The following SULF2 variants were observed in gnomAD, a reference collection of about 807,000 sequenced individuals.
The protein encoded by SULF2 is extracellular sulfatase Sulf-2.
Under a neutral mutation model 107.7 loss-of-function variants are expected in SULF2, and 52 were observed. The observed-to-expected ratio is 0.48, with a 90% CI of 0.39 to 0.61. SULF2 has a LOEUF of 0.61. Ranked by LOEUF, SULF2 falls within the 20% of genes least tolerant of loss-of-function variation. The pLI is 0.00. For missense variants in SULF2, 993 were observed against 1,177.3 expected (o/e 0.84, Z 2.29); for synonymous variants, 460 against 464.3 (o/e 0.99, Z 0.12).
At chr20:47,731,182 C>CTTTTTTTTTTTTTTTTTTTTTTTTTT (rs1342480404) in intron 3 of SULF2, among the ~76,000 whole-genome samples, 19 of 99,600 alleles carry the variant, frequency 1.9e-4, no homozygotes, top group South Asian at 3.4e-4. Context: ...TCACCTGTAT[C>CTTTTTTTTTTTTTTTTTTTTTTTTTT]TTCTCTTTTT....
chr20:47,673,144 C>G (rs2087531838), intron 10 of SULF2, among the ~76,000 whole-genome samples: 1 of 152,230 alleles, frequency 6.6e-6, no homozygotes, highest in Non-Finnish European at 1.5e-5. Flanking sequence ...TGGATCCCCT[C>G]ACGGGATTCT....
chr20:47,683,758 G>C (rs2087906317), intron 6 of SULF2, among the ~76,000 whole-genome samples: 1 of 152,258 alleles, frequency 6.6e-6, no homozygotes, highest in African/African-American at 2.4e-5. Flanking sequence ...AATAGCCATG[G>C]CTAAATAAAA....
At chr20:47,704,768 T>C (rs1233969682) in intron 3 of SULF2, among the ~76,000 whole-genome samples, 9 of 152,202 alleles carry the variant, frequency 5.9e-5, no homozygotes, top group Admixed American at 5.2e-4. Context: ...TAAGGAGATC[T>C]TGCTAACAGA....
At chr20:47,726,000 G>A (rs1205518433) in intron 3 of SULF2, among the ~76,000 whole-genome samples, 1 of 152,206 alleles carries the variant, frequency 6.6e-6, no homozygotes, top group Non-Finnish European at 1.5e-5. Flanking sequence ...CGAGACCCAG[G>A]AAGGTTTGGG....
chr20:47,669,162 CAG>C (rs2087379890), intron 11 of SULF2, among the ~76,000 whole-genome samples: 1 of 152,176 alleles, frequency 6.6e-6, no homozygotes, highest in African/African-American at 2.4e-5. Flanking sequence ...ACTCTAATCT[CAG>C]TGTCTTGCAC....
chr20:47,683,133 T>G lies in SULF2; in HGVS notation c.925A>C (p.Asn309His), dbSNP rs2087884230. The change falls in exon 7 of 21, where the codon AAC (asparagine) becomes CAC (histidine). Residue 309 changes from asparagine (N) to histidine (H), a missense_variant. Physicochemically the swap from Asn to His is moderately conservative, Grantham distance 68 (BLOSUM62 1). Around this residue, in one of 3 missense-constraint regions of SULF2, gnomAD observed 388 missense variants for 449.2 expected, o/e 0.86. Transcript: ENST00000688720. ...TCGGCGGTGTATACGATGTACGTGTTGTCCAGCTCGCCCGTCTCAACCAGC... is the reference window on the plus strand; with the variant it reads ...TCGGCGGTGTATACGATGTACGTGTGGTCCAGCTCGCCCGTCTCAACCAGC... Reference protein sequence around the residue: ...NMLVETGELDNTYIVYTADHG... With the variant: ...NMLVETGELDHTYIVYTADHG... 6.2e-7 allele frequency: 1 copy of G among 1,611,028 alleles called. No individual in the cohort carries two copies. The highest frequency in any genetic ancestry group is 8.5e-7 in the Non-Finnish European group (1 of 1,177,864).
chr20:47,699,393 T>C (rs2088487780), intron 4 of SULF2, among the ~76,000 whole-genome samples: 1 of 151,846 alleles, frequency 6.6e-6, no homozygotes, highest in South Asian at 2.1e-4. Flanking sequence ...GTACTACATG[T>C]TATCAGAAGT....
At chr20:47,673,444 G>A (rs555419766) in intron 10 of SULF2, among the ~76,000 whole-genome samples, 2 of 152,270 alleles carry the variant, frequency 1.3e-5, no homozygotes, top group South Asian at 2.1e-4. Context: ...CACACAACTG[G>A]GAGGTGCAAG....
chr20:47,725,602 GGCCTGC>G (rs1346189911), intron 3 of SULF2, among the ~76,000 whole-genome samples: 5 of 152,316 alleles, frequency 3.3e-5, no homozygotes, highest in African/African-American at 9.6e-5. Flanking sequence ...GCAAGCCGGT[GGCCTGC>G]AGACCAATCC....
chr20:47,761,896 T>C (rs1440545749), intron 1 of SULF2, among the ~76,000 whole-genome samples: 3 of 152,180 alleles, frequency 2.0e-5, no homozygotes, highest in Non-Finnish European at 4.4e-5. Context: ...GGGAGATAAT[T>C]GAATCATGGG....
At chr20:47,732,442 G>C (rs900761106) in intron 3 of SULF2, among the ~76,000 whole-genome samples, 1 of 152,194 alleles carries the variant, frequency 6.6e-6, no homozygotes, top group Admixed American at 6.5e-5. Flanking sequence ...CTCATTCTGG[G>C]AACACTGTAC....
At position 47,672,349 on chromosome 20, in the gene SULF2, A is replaced by C; in HGVS notation, c.1425T>G (p.His475Gln). 6.2e-7 allele frequency: 1 copy of C among 1,612,940 alleles called. No individual in the cohort carries two copies. The highest frequency in any genetic ancestry group is 8.5e-7 in the Non-Finnish European group (1 of 1,179,886). The change falls in exon 11 of 21, where the codon CAT (histidine) becomes CAG (glutamine). Residue 475 changes from histidine to glutamine, a missense_variant. By Grantham distance (24) the His-to-Gln change is conservative. Around this residue, in one of 3 missense-constraint regions of SULF2, gnomAD observed 497 missense variants for 544.1 expected, o/e 0.91. Transcript: ENST00000688720. ...VEDATGKLKL[H>Q]KCKGPMRLGG... The stretch of plus-strand genomic sequence containing the variant: ...CCAGCCGCATGGGGCCCTTGCACTT[A>C]TGCAGCTTCAGCTTCCCCGTGGCGT...
At chr20:47,784,449 A>G (rs577531625) in intron 1 of SULF2, among the ~76,000 whole-genome samples, 205 of 151,864 alleles carry the variant, frequency 1.3e-3, no homozygotes, top group African/African-American at 4.8e-3. Context: ...TGCTCTTCCT[A>G]CTGTGTGCTG....
rs997956039 is a variant in SULF2, at chr20:47,680,149, G to C, written c.1065-1345C>G. 2.6e-5 allele frequency among the ~76,000 whole-genome samples: 4 copies of C among 152,170 alleles called. No individual in the cohort carries two copies. The highest frequency in any genetic ancestry group is 9.7e-5 in the African/African-American group (4 of 41,428). On this transcript the variant is annotated intron_variant, in intron 7 of 20. Transcript: ENST00000688720. The surrounding 1 kb of genome is among the most constrained non-coding windows in gnomAD (Gnocchi z 4.2). ...GAGAGGTGTCTTGCTCTGTCACCCA[G>C]GATGCAGTGTGGTGGCATGATCCTG...
At position 47,770,558 on chromosome 20, in the gene SULF2, G is replaced by A. The variant is rs553541365; in HGVS notation, c.-100-13095C>T. On this transcript the variant is annotated intron_variant, in intron 1 of 20. Transcript: ENST00000688720. Reference sequence around the variant, plus strand: ...AGACTGGAATTGGCTGAATGCTCCAGTTACTAATACTGTGTAACAATTTAC... The same window carrying A: ...AGACTGGAATTGGCTGAATGCTCCAATTACTAATACTGTGTAACAATTTAC... Among the ~76,000 whole-genome samples, 5 of 152,320 alleles carry A rather than the reference G, an allele frequency of 3.3e-5. No individual in the cohort carries two copies. In the South Asian group the frequency reaches 1.0e-3, roughly 32 times the overall value.
At chr20:47,708,662 C>T (rs757098069) in intron 3 of SULF2, among the ~76,000 whole-genome samples, 1 of 152,216 alleles carries the variant, frequency 6.6e-6, no homozygotes, top group Non-Finnish European at 1.5e-5. Flanking sequence ...AACTGGGTTT[C>T]CCGCTACACT....
intron 11 of SULF2, among the ~76,000 whole-genome samples, chr20:47,668,812 G>C (rs1054027447): frequency 6.6e-6 from 1 of 151,846 alleles, no homozygotes; most frequent in African/African-American, 2.4e-5. Flanking sequence ...TGTGTGATGT[G>C]GCTGCCCATG....
intron 1 of SULF2, among the ~76,000 whole-genome samples, chr20:47,763,234 C>T (rs1428382828): frequency 6.6e-6 from 1 of 152,194 alleles, no homozygotes; most frequent in Non-Finnish European, 1.5e-5. Context: ...AAAGGCTCGC[C>T]AGCCCAGGAG....
chr20:47,727,460 G>A (rs1478375816), intron 3 of SULF2, among the ~76,000 whole-genome samples: 29 of 152,182 alleles, frequency 1.9e-4, no homozygotes, highest in Admixed American at 1.9e-3. Context: ...GCTTGATTTT[G>A]GGGTTCTGGC....
Sources: allele counts gnomAD v4.1 joint callset (sites outside exome capture counted in the v4.1 genomes callset), GRCh38; gene constraint gnomAD v4.1.1; regional missense constraint gnomAD v4.1.1; non-coding constraint Gnocchi (gnomAD v3.1); transcripts MANE v1.5; gene names NCBI Gene and HGNC (gene_info 2026-07-23, HGNC 2026-07-21).